Variants in RIMS3 observed in about 807,000 individuals in gnomAD.
RIMS3 encodes regulating synaptic membrane exocytosis protein 3.
RIMS3 carries 15 observed loss-of-function variants against 29.2 expected under a neutral mutation model. The observed-to-expected ratio is 0.51, with a 90% confidence interval of 0.34 to 0.79. The LOEUF is 0.79. Among genes scored for constraint, RIMS3 ranks in the 30% least tolerant of loss-of-function variants. RIMS3 has a pLI of 0.01. For synonymous variants in RIMS3, 161 were observed against 170.1 expected, an observed-to-expected ratio of 0.95 and a Z score of 0.41; for missense variants, 342 against 421.4, an observed-to-expected ratio of 0.81 and a Z score of 1.65.
chr1:40,636,143 C>A lies in RIMS3; in HGVS notation c.218-86G>T. The A allele has an allele frequency of 6.6e-7, 1 of 1,523,196 alleles. No homozygotes were observed. The highest frequency in any genetic ancestry group is 1.1e-5 in the South Asian group (1 of 87,532). 94.4% of individuals were successfully genotyped at this position (1,523,196 alleles called of 1,614,324 possible). A position where few individuals can be genotyped will look rare whatever the true frequency, so the allele number is the denominator to read the frequency against. ...CTCTAAGAGTCCTGCCAAAGTCACTCTCTTGGCATGGGGGGTTGATGGGGA... is the reference window on the plus strand; with the variant it reads ...CTCTAAGAGTCCTGCCAAAGTCACTATCTTGGCATGGGGGGTTGATGGGGA... On this transcript the variant is annotated intron_variant, in intron 3 of 7. Coordinates refer to ENST00000372684, the MANE Select transcript of RIMS3 (RefSeq NM_014747.3). The surrounding 1 kb of genome is among the most constrained non-coding windows in gnomAD (Gnocchi z 4.2).
chr1:40,646,298 C>A (rs1333827), intron 2 of RIMS3, among the ~76,000 whole-genome samples: 19,284 of 152,062 alleles, frequency 0.13, 1,333 homozygotes, highest in African/African-American at 0.16. Context: ...GAGGGCCATC[C>A]ACTGCATAGC....
chr1:40,658,781 T>A (rs1570202304), intron 1 of RIMS3, among the ~76,000 whole-genome samples: 1 of 152,198 alleles, frequency 6.6e-6, no homozygotes, highest in East Asian at 1.9e-4. Flanking sequence ...CCCTTGGCCC[T>A]CCAGGTCCCG....
intron 7 of RIMS3, 96 bp downstream of exon 7, chr1:40,628,714 C>T: frequency 1.3e-6 from 2 of 1,522,970 alleles, no homozygotes; most frequent in Non-Finnish European, 1.8e-6. Flanking sequence ...GCACCTACCA[C>T]AGCACCTGGC....
chr1:40,649,619 C>T (rs1298192511), intron 1 of RIMS3, among the ~76,000 whole-genome samples: 1 of 152,238 alleles, frequency 6.6e-6, no homozygotes, highest in Non-Finnish European at 1.5e-5. Flanking sequence ...CACAATCATA[C>T]ACACCACAGC....
At position 40,623,507 on chromosome 1, in the gene RIMS3, C is replaced by T; in HGVS notation, c.*3010G>A. ...CTGCCATATGCACAGTGAACCTCGC[C>T]TGACCAGAGGAGGTGGAATGACAAA... On this transcript the variant is annotated 3_prime_UTR_variant, in exon 8 of 8. Coordinates refer to ENST00000372684, the MANE Select transcript of RIMS3 (RefSeq NM_014747.3). 1 of 398,714 alleles carries T rather than the reference C, an allele frequency of 2.5e-6. No homozygotes were observed. The highest frequency in any genetic ancestry group is 3.6e-5 in the East Asian group (1 of 28,086). The allele number at this position is 398,714 out of a possible 1,614,324, so 24.7% of individuals were successfully genotyped here.
Position 40,633,641 on chromosome 1 carries a change from C to CT in RIMS3, c.360-461dup, listed in dbSNP as rs200762717. The stretch of plus-strand genomic sequence containing the variant: ...CATGAGGTGGTGCCCAGAACAGCAG[C>CT]TAAGACCAAAATAACACAATTACAG... On this transcript the variant is annotated intron_variant, in intron 4 of 7. Coordinates refer to ENST00000372684, the MANE Select transcript of RIMS3 (RefSeq NM_014747.3). Among the ~76,000 whole-genome samples the CT allele has an allele frequency of 1.7e-3, 259 of 152,294 alleles. 4 individuals carry two copies. Among genetic ancestry groups the CT allele is most frequent in the African/African-American group, 6.0e-3 (249 of 41,550 alleles).
intron 7 of RIMS3, among the ~76,000 whole-genome samples, chr1:40,627,516 C>T (rs1213230896): frequency 6.6e-6 from 1 of 152,250 alleles, no homozygotes; most frequent in Non-Finnish European, 1.5e-5. Context: ...GCGTAAGCCA[C>T]TGTGCCCGGC....
chr1:40,680,087 G>A, the RIMS3 span, among the ~76,000 whole-genome samples: 2 of 151,834 alleles, frequency 1.3e-5, no homozygotes, highest in East Asian at 1.9e-4. Context: ...TTGAGCCCAG[G>A]AGTTTTGAGA....
chr1:40,636,094 A>G lies in RIMS3; in HGVS notation c.218-37T>C. 1 of 1,600,066 alleles carries G rather than the reference A, an allele frequency of 6.2e-7. No individual in the cohort carries two copies. The highest frequency in any genetic ancestry group is 8.5e-7 in the Non-Finnish European group (1 of 1,179,326). On this transcript the variant is annotated intron_variant, in intron 3 of 7. Coordinates refer to ENST00000372684, the MANE Select transcript of RIMS3 (RefSeq NM_014747.3). This position sits in a 1 kb window ranked among gnomAD's most constrained non-coding sequence, Gnocchi z 4.2. ...CCAACCCCAAGCACAGAGAGGGAAC[A>G]AGGTCAGATTATGAATGGGGCTTCT... is the stretch of plus-strand genomic sequence containing the variant.
At chr1:40,676,531 G>A in the RIMS3 span, among the ~76,000 whole-genome samples, 1 of 152,138 alleles carries the variant, frequency 6.6e-6, no homozygotes, top group African/African-American at 2.4e-5. Context: ...ACCAGGGCTG[G>A]TGTTTCTCCA....
chr1:40,668,869 C>T (rs1207014254), upstream of RIMS3, among the ~76,000 whole-genome samples: 1 of 152,178 alleles, frequency 6.6e-6, no homozygotes. Context: ...GAGACGGGGA[C>T]GAGCAGGAGG....
At chr1:40,634,583 C>G (rs1366951553) in intron 4 of RIMS3, among the ~76,000 whole-genome samples, 2 of 152,158 alleles carry the variant, frequency 1.3e-5, no homozygotes, top group East Asian at 3.9e-4. Context: ...CTCTTCCTCT[C>G]CCTGTTTCTC....
chr1:40,670,923 A>G, the RIMS3 span, among the ~76,000 whole-genome samples: 1 of 152,024 alleles, frequency 6.6e-6, no homozygotes, highest in Non-Finnish European at 1.5e-5. Flanking sequence ...GATATTGGAA[A>G]TCTTTCAGCA....
chr1:40,661,188 T>C (rs1325882777), intron 1 of RIMS3, among the ~76,000 whole-genome samples: 1 of 152,190 alleles, frequency 6.6e-6, no homozygotes, highest in Non-Finnish European at 1.5e-5. Context: ...TTTCCTCATC[T>C]ATACCACAGA....
intron 1 of RIMS3, among the ~76,000 whole-genome samples, chr1:40,648,169 A>G (rs1408733312): frequency 2.6e-5 from 4 of 152,054 alleles, no homozygotes; most frequent in Non-Finnish European, 5.9e-5. Context: ...CCTCTGATTA[A>G]TGGGGTCTGT....
In RIMS3 at chr1:40,622,480, A is replaced by T. The variant is rs1029088840; in HGVS notation, c.*4037T>A. On this transcript the variant is annotated 3_prime_UTR_variant, in exon 8 of 8. Transcript: ENST00000372684. ...AAGACAGTCCAGTAGAAGAAGCAGCATTTTAAAGAATCTCTTTACATGTCA... is the reference window on the plus strand; with the variant it reads ...AAGACAGTCCAGTAGAAGAAGCAGCTTTTTAAAGAATCTCTTTACATGTCA... 1 of 152,262 alleles carries T rather than the reference A, an allele frequency of 6.6e-6. No homozygotes were observed. The highest frequency in any genetic ancestry group is 2.4e-5 in the African/African-American group (1 of 41,464). The allele number at this position is 152,262 out of a possible 1,614,324, so 9.4% of individuals were successfully genotyped here.
upstream of RIMS3, among the ~76,000 whole-genome samples, chr1:40,670,555 A>G (rs963801313): frequency 5.3e-5 from 6 of 113,258 alleles, no homozygotes; most frequent in Non-Finnish European, 5.3e-5. Context: ...TAAATTTTCC[A>G]TAAGTGTTAG....
the RIMS3 span, among the ~76,000 whole-genome samples, chr1:40,690,074 C>A: frequency 6.6e-6 from 1 of 152,214 alleles, no homozygotes. Flanking sequence ...GGCAACCCAA[C>A]TTCCAGGCTC....
chr1:40,649,424 C>G (rs943932745), intron 1 of RIMS3, among the ~76,000 whole-genome samples: 2 of 152,214 alleles, frequency 1.3e-5, no homozygotes, highest in Non-Finnish European at 2.9e-5. Flanking sequence ...CCACACACAC[C>G]CTCCCCATTG....
Sources: gnomAD v4.1 joint callset for allele counts (sites outside exome capture counted in the v4.1 genomes callset) on GRCh38, gnomAD v4.1.1 for gene constraint, Gnocchi (gnomAD v3.1) non-coding constraint, MANE v1.5 for transcripts, NCBI Gene and HGNC (gene_info 2026-07-23, HGNC 2026-07-21) for gene names.